Variants in UMAD1 observed in about 807,000 individuals in gnomAD.
The protein encoded by UMAD1 is UBAP1-MVB12-associated (UMA) domain containing 1, also known as UBAP1-MVB12-associated (UMA)-domain containing protein 1.
UMAD1 carries 8 observed loss-of-function variants against 6.1 expected under a neutral mutation model. The observed-to-expected ratio is 1.30, with a 90% CI of 0.76 to 2.35. UMAD1 has a LOEUF of 2.35. Ranked by LOEUF, UMAD1 falls within the 30% of genes most tolerant of loss-of-function variation. UMAD1 has a pLI of 0.00. For synonymous variants in UMAD1, 56 were observed against 31.4 expected (o/e 1.78, Z -2.61); for missense variants, 130 against 78.4 (o/e 1.66, Z -2.49).
At chr7:7,692,004 A>G (rs1192245264) in intron 2 of UMAD1, among the ~76,000 whole-genome samples, 2 of 152,188 alleles carry the variant, frequency 1.3e-5, no homozygotes, top group Non-Finnish European at 2.9e-5. Context: ...ACTGAGGTGA[A>G]GTTAGATTGA....
At chr7:7,698,194 A>G (rs1299354021) in intron 2 of UMAD1, among the ~76,000 whole-genome samples, 1 of 152,228 alleles carries the variant, frequency 6.6e-6, no homozygotes, top group Non-Finnish European at 1.5e-5. Flanking sequence ...TTGAATTGCT[A>G]TATGCTTCAT....
chr7:7,818,589 T>C (rs937658699), intron 3 of UMAD1, among the ~76,000 whole-genome samples: 11 of 152,022 alleles, frequency 7.2e-5, no homozygotes, highest in African/African-American at 2.4e-4. Context: ...AGTTCAACCA[T>C]TGTGAAAGAC....
At chr7:7,738,630 A>G (rs762454731) in intron 2 of UMAD1, 1 of 152,234 alleles carries the variant, frequency 6.6e-6, no homozygotes, top group Non-Finnish European at 1.5e-5. Context: ...TTTCTGGGAT[A>G]CTTTTAGGGC....
chr7:7,820,354 A>G (rs935161628), intron 3 of UMAD1, among the ~76,000 whole-genome samples: 2 of 152,216 alleles, frequency 1.3e-5, no homozygotes, highest in African/African-American at 4.8e-5. Flanking sequence ...TTAGGTATTG[A>G]TTATAGCATC....
At chr7:7,642,313 T>C (rs1036791880) in intron 1 of UMAD1, among the ~76,000 whole-genome samples, 17 of 151,672 alleles carry the variant, frequency 1.1e-4, no homozygotes, top group Non-Finnish European at 1.8e-4. Flanking sequence ...AAAGATTTTT[T>C]TTTTGTTGTT....
intron 2 of UMAD1, among the ~76,000 whole-genome samples, chr7:7,781,309 G>A (rs998420555): frequency 2.1e-4 from 32 of 151,974 alleles, no homozygotes; most frequent in African/African-American, 7.7e-4. Context: ...TACATAGGGC[G>A]CAGCTTCCCC....
At chr7:7,864,932 C>T (rs1195942836) in intron 3 of UMAD1, among the ~76,000 whole-genome samples, 3 of 152,234 alleles carry the variant, frequency 2.0e-5, no homozygotes, top group Non-Finnish European at 2.9e-5. Context: ...TCCATAAAAA[C>T]CTCTAAATAG....
chr7:7,722,288 C>G (rs371743478), intron 2 of UMAD1, among the ~76,000 whole-genome samples: 11 of 151,702 alleles, frequency 7.3e-5, no homozygotes, highest in African/African-American at 2.4e-4. Flanking sequence ...TCTAGAGGAA[C>G]AGAATATTAA....
At chr7:7,658,039 G>A (rs971165911) in intron 1 of UMAD1, among the ~76,000 whole-genome samples, 2 of 152,174 alleles carry the variant, frequency 1.3e-5, no homozygotes, top group Non-Finnish European at 2.9e-5. Flanking sequence ...TCCCTTGTAA[G>A]TTGGATTCCT....
At chr7:7,658,633 A>G (rs1007207918) in intron 1 of UMAD1, among the ~76,000 whole-genome samples, 1 of 152,190 alleles carries the variant, frequency 6.6e-6, no homozygotes, top group Non-Finnish European at 1.5e-5. Flanking sequence ...GTGTATGTTG[A>G]ACCAGCCTTG....
intron 1 of UMAD1, among the ~76,000 whole-genome samples, chr7:7,662,794 T>C (rs1236054842): frequency 6.6e-6 from 1 of 152,214 alleles, no homozygotes; most frequent in Non-Finnish European, 1.5e-5. Context: ...CATGTATTTT[T>C]AAAATGGTTA....
At chr7:7,794,096 A>G (rs1782621755) in intron 2 of UMAD1, among the ~76,000 whole-genome samples, 1 of 152,204 alleles carries the variant, frequency 6.6e-6, no homozygotes, top group South Asian at 2.1e-4. Context: ...CCTTGGAACC[A>G]GTGTTTCATA....
chr7:7,709,968 A>C (rs893532758), intron 2 of UMAD1, among the ~76,000 whole-genome samples: 22 of 152,124 alleles, frequency 1.4e-4, no homozygotes, highest in Non-Finnish European at 3.1e-4. Context: ...CTTTTTAAAT[A>C]GTGTTAACAT....
chr7:7,706,314 G>A lies in UMAD1; in HGVS notation c.82+32861G>A, dbSNP rs925577323. Among the ~76,000 whole-genome samples, 10 of 152,292 alleles carry A rather than the reference G, an allele frequency of 6.6e-5. No homozygotes were observed. In the South Asian group the frequency reaches 8.3e-4, roughly 13 times the overall value. ...TTGGGAAAATCTAGAAGAGGTGGAA[G>A]TAGTGAGGCTGCTCATGTTATCACC... is the stretch of plus-strand genomic sequence containing the variant. On this transcript the variant is annotated intron_variant, in intron 2 of 3. Transcript: ENST00000682710.
intron 2 of UMAD1, among the ~76,000 whole-genome samples, chr7:7,790,733 C>A (rs1203988234): frequency 1.3e-5 from 2 of 152,194 alleles, no homozygotes; most frequent in African/African-American, 4.8e-5. Context: ...TCTTGTATAG[C>A]TGAATGACAT....
rs138055829 is a variant in UMAD1 at position 7,786,881 on chromosome 7, G to A, written c.83-14789G>A. Among the ~76,000 whole-genome samples the A allele has an allele frequency of 7.2e-5, 11 of 152,136 alleles. No individual in the cohort carries two copies. In the South Asian group the frequency reaches 8.3e-4, roughly 11 times the overall value. On this transcript the variant is annotated intron_variant, in intron 2 of 3. Coordinates refer to ENST00000682710, the MANE Select transcript of UMAD1 (RefSeq NM_001302348.2). ...AAGCATGGGAGTGGGAGAAGAGAAGGGATTTGACTGAGACAAGTTGATTTG... is the reference window on the plus strand; with the variant it reads ...AAGCATGGGAGTGGGAGAAGAGAAGAGATTTGACTGAGACAAGTTGATTTG...
intron 2 of UMAD1, among the ~76,000 whole-genome samples, chr7:7,717,896 T>C (rs1020936411): frequency 5.9e-5 from 9 of 152,238 alleles, no homozygotes; most frequent in African/African-American, 2.2e-4. Context: ...TGAAAATCTG[T>C]TTACCAAACT....
intron 2 of UMAD1, among the ~76,000 whole-genome samples, chr7:7,766,739 A>G (rs1010847445): frequency 1.3e-5 from 2 of 152,190 alleles, no homozygotes; most frequent in African/African-American, 2.4e-5. Flanking sequence ...TCATTTAAAT[A>G]TATATGTAAT....
chr7:7,741,288 G>A (rs1224440437), intron 2 of UMAD1, among the ~76,000 whole-genome samples: 2 of 151,712 alleles, frequency 1.3e-5, no homozygotes, highest in East Asian at 3.9e-4. Flanking sequence ...AAAAAAGACT[G>A]TGGCCTGGCG....
Sources: allele counts gnomAD v4.1 joint callset (sites outside exome capture counted in the v4.1 genomes callset), GRCh38; gene constraint gnomAD v4.1.1; transcripts MANE v1.5; gene names NCBI Gene and HGNC (gene_info 2026-07-23, HGNC 2026-07-21).